The following HCN1 variants were observed in gnomAD, a reference collection of about 807,000 sequenced individuals.
HCN1 encodes potassium/sodium hyperpolarization-activated cyclic nucleotide-gated channel 1.
In HCN1, 13 loss-of-function variants were observed where a neutral mutation model predicts 78.9. That is an observed-to-expected ratio of 0.16 (90% CI 0.11 to 0.26). The LOEUF (loss-of-function observed/expected upper bound fraction) is 0.26, where lower values mean the gene tolerates loss of function less well. Among genes scored for constraint, HCN1 ranks in the 10% least tolerant of loss-of-function variants. The pLI is 1.00. For synonymous variants in HCN1, 552 were observed against 455.5 expected (o/e 1.21, Z -2.70); for missense variants, 810 against 1,154.3 (o/e 0.70, Z 4.32).
intron 1 of HCN1, among the ~76,000 whole-genome samples, chr5:45,691,747 C>A (rs531965342): frequency 3.2e-4 from 49 of 152,218 alleles, no homozygotes; most frequent in Non-Finnish European, 4.4e-4. Context: ...CTCCTGGAAG[C>A]AAATGTTCTC....
chr5:45,443,613 A>C (rs1013287166), intron 3 of HCN1, among the ~76,000 whole-genome samples: 1 of 152,142 alleles, frequency 6.6e-6, no homozygotes, highest in Non-Finnish European at 1.5e-5. Context: ...TTTTGCAATG[A>C]GAATAATCAG....
chr5:45,329,593 A>G (rs906165054), intron 5 of HCN1, among the ~76,000 whole-genome samples: 2 of 151,548 alleles, frequency 1.3e-5, no homozygotes, highest in African/African-American at 4.8e-5. Context: ...GGTGCCTGAG[A>G]AGTTTATGAA....
At chr5:45,675,446 C>G (rs1158769823) in intron 1 of HCN1, among the ~76,000 whole-genome samples, 1 of 151,732 alleles carries the variant, frequency 6.6e-6, no homozygotes, top group Admixed American at 6.6e-5. Context: ...ATCCAAAAGC[C>G]AAAACCCAAA....
At chr5:45,319,746 T>C (rs1746083381) in intron 5 of HCN1, among the ~76,000 whole-genome samples, 1 of 151,830 alleles carries the variant, frequency 6.6e-6, no homozygotes, top group African/African-American at 2.4e-5. Context: ...TTTGATATAT[T>C]CAGATTGCTT....
chr5:45,375,231 A>AT, intron 4 of HCN1, among the ~76,000 whole-genome samples: 2 of 119,786 alleles, frequency 1.7e-5, no homozygotes, highest in African/African-American at 3.3e-5. Context: ...AATATTTTAT[A>AT]ATATATAATA....
chr5:45,367,065 C>T (rs556587351), intron 4 of HCN1, among the ~76,000 whole-genome samples: 2 of 151,816 alleles, frequency 1.3e-5, no homozygotes, highest in East Asian at 3.9e-4. Context: ...AATATAAACA[C>T]TATAATGATC....
Position 45,611,509 on chromosome 5 carries a change from T to A in HCN1, c.849+33676A>T, listed in dbSNP as rs193047940. Reference sequence around the variant, plus strand: ...CTGGTCTTGAACTCCTGAGCTCAAGTGACTTGCTCGCTTCAGTCTCCCAAA... The same window carrying A: ...CTGGTCTTGAACTCCTGAGCTCAAGAGACTTGCTCGCTTCAGTCTCCCAAA... On this transcript the variant is annotated intron_variant, in intron 2 of 7. Transcript: ENST00000303230. Among the ~76,000 whole-genome samples, 184 of 152,062 alleles carry A rather than the reference T, an allele frequency of 1.2e-3. 1 individual carries two copies. Among genetic ancestry groups the A allele is most frequent in the African/African-American group, 4.3e-3 (179 of 41,510 alleles).
chr5:45,663,696 C>T (rs1480397478), intron 1 of HCN1, among the ~76,000 whole-genome samples: 1 of 151,904 alleles, frequency 6.6e-6, no homozygotes, highest in Admixed American at 6.6e-5. Context: ...AGCCAAAAAA[C>T]ACATGAAAAA....
chr5:45,420,097 G>T (rs1036276630), intron 3 of HCN1, among the ~76,000 whole-genome samples: 1 of 152,110 alleles, frequency 6.6e-6, no homozygotes, highest in African/African-American at 2.4e-5. Flanking sequence ...TCTTCTCTAG[G>T]CATCTTTTTA....
intron 2 of HCN1, among the ~76,000 whole-genome samples, chr5:45,554,388 T>C (rs998338104): frequency 1.3e-5 from 2 of 151,880 alleles, no homozygotes; most frequent in Admixed American, 1.3e-4. Flanking sequence ...ATCAAGCTAT[T>C]ATTAAATAAA....
At chr5:45,315,524 C>T (rs1258475646) in intron 5 of HCN1, among the ~76,000 whole-genome samples, 3 of 152,084 alleles carry the variant, frequency 2.0e-5, no homozygotes, top group Non-Finnish European at 4.4e-5. Flanking sequence ...CAAGAGCAAA[C>T]ACATTCAAAA....
At chr5:45,319,043 G>A (rs576510224) in intron 5 of HCN1, among the ~76,000 whole-genome samples, 1 of 151,814 alleles carries the variant, frequency 6.6e-6, no homozygotes, top group African/African-American at 2.4e-5. Context: ...TAAATTTCAG[G>A]CTATATTTCA....
chr5:45,392,354 A>C lies in HCN1; in HGVS notation c.1230+4138T>G, dbSNP rs558380851. ...AAAAAACAAGGATCTATGGATCATT[A>C]ATTAAAACTAAGCAATTAAACAAAA... is the stretch of plus-strand genomic sequence containing the variant. On this transcript the variant is annotated intron_variant, in intron 4 of 7. Coordinates refer to ENST00000303230, the MANE Select transcript of HCN1 (RefSeq NM_021072.4). Among the ~76,000 whole-genome samples, 21 of 152,338 alleles carry C rather than the reference A, an allele frequency of 1.4e-4. No homozygotes were observed. The South Asian group carries it at 2.9e-3, about 21-fold the overall frequency.
chr5:45,263,370 G>A (rs1262065143), intron 7 of HCN1, among the ~76,000 whole-genome samples: 2 of 152,104 alleles, frequency 1.3e-5, no homozygotes, highest in African/African-American at 4.8e-5. Context: ...AAAAAACATG[G>A]TTGGCAGGTA....
At chr5:45,489,494 T>C (rs372136989) in intron 2 of HCN1, among the ~76,000 whole-genome samples, 1 of 151,960 alleles carries the variant, frequency 6.6e-6, no homozygotes. Context: ...ATGGCTGGAG[T>C]GGATTGGTGA....
At chr5:45,501,530 G>A (rs546771048) in intron 2 of HCN1, among the ~76,000 whole-genome samples, 44 of 152,096 alleles carry the variant, frequency 2.9e-4, no homozygotes, top group African/African-American at 8.7e-4. Context: ...TGCCTCCCAT[G>A]TTCAAGCTAT....
chr5:45,395,197 C>G (rs182599730), intron 4 of HCN1, among the ~76,000 whole-genome samples: 1 of 151,564 alleles, frequency 6.6e-6, no homozygotes, highest in East Asian at 1.9e-4. Flanking sequence ...TTATTAAAAG[C>G]AACATAAAAT....
chr5:45,299,001 G>A (rs925111134), intron 6 of HCN1, among the ~76,000 whole-genome samples: 5 of 151,928 alleles, frequency 3.3e-5, no homozygotes, highest in Non-Finnish European at 7.4e-5. Context: ...CTTGAGAAAA[G>A]CATCAGACAA....
intron 1 of HCN1, among the ~76,000 whole-genome samples, chr5:45,692,563 T>C (rs923365187): frequency 1.3e-5 from 2 of 152,192 alleles, no homozygotes; most frequent in Non-Finnish European, 2.9e-5. Flanking sequence ...ACCTATACTA[T>C]TGGACTGCTT....
Sources: gnomAD v4.1 joint callset for allele counts (sites outside exome capture counted in the v4.1 genomes callset) on GRCh38, gnomAD v4.1.1 for gene constraint, MANE v1.5 for transcripts, NCBI Gene and HGNC (gene_info 2026-07-23, HGNC 2026-07-21) for gene names.